The following DNAH8 variants were observed in gnomAD, a reference collection of about 807,000 sequenced individuals.
DNAH8 encodes dynein axonemal heavy chain 8, also known as axonemal beta dynein heavy chain 8.
In DNAH8, 382 loss-of-function variants were observed where a neutral mutation model predicts 562.1. That is an observed-to-expected ratio of 0.68 (90% CI 0.63 to 0.74). DNAH8 has a LOEUF of 0.74. Ranked by LOEUF, DNAH8 falls within the 30% of genes least tolerant of loss-of-function variation. DNAH8 has a pLI of 0.00. For synonymous variants in DNAH8, 1,881 were observed against 1,919.4 expected, an observed-to-expected ratio of 0.98 and a Z score of 0.52; for missense variants, 5,203 against 5,620.4, an observed-to-expected ratio of 0.93 and a Z score of 2.37.
chr6:38,807,788 T>A, intron 24 of DNAH8, 72 bp downstream of exon 24: 1 of 732,418 alleles, frequency 1.4e-6, no homozygotes, highest in South Asian at 5.2e-5. Flanking sequence ...TATAAATTTA[T>A]TAATTAAAAA....
At chr6:38,798,317 C>G (rs1317287371) in intron 21 of DNAH8, among the ~76,000 whole-genome samples, 2 of 152,182 alleles carry the variant, frequency 1.3e-5, no homozygotes, top group Admixed American at 6.5e-5. Context: ...TTAATTAAAA[C>G]AAAATTTAAA....
intron 9 of DNAH8, among the ~76,000 whole-genome samples, chr6:38,755,599 G>C (rs1765838978): frequency 6.6e-6 from 1 of 152,066 alleles, no homozygotes; most frequent in Non-Finnish European, 1.5e-5. Flanking sequence ...ACCCCTCAAG[G>C]TATCAGTTTC....
chr6:38,883,170 C>T, intron 54 of DNAH8, 118 bp downstream of exon 54: 1 of 1,331,900 alleles, frequency 7.5e-7, no homozygotes, highest in Non-Finnish European at 1.0e-6. Flanking sequence ...ATCTGTAATA[C>T]AACTGGGACT....
intron 17 of DNAH8, among the ~76,000 whole-genome samples, chr6:38,783,651 C>T (rs1165707432): frequency 2.6e-5 from 4 of 152,116 alleles, no homozygotes; most frequent in African/African-American, 9.7e-5. Flanking sequence ...GAGGGGAGGG[C>T]TTATGTGTTG....
Position 39,012,353 on chromosome 6 carries a change from A to G in DNAH8, c.13510A>G (p.Ile4504Val), listed in dbSNP as rs776524012. ...TCTAAAATTGGCCATTGAAGGAACA[A>G]TCATTATGAGTGAGGTGAGCTGTTA... ...SDLKLAIEGT[I>V]IMSENLRDAL... Residue 4504 changes from isoleucine (I) to valine (V), a missense_variant, in exon 90 of 93, where the codon ATC becomes GTC. Ile to Val is a conservative substitution (Grantham distance 29, BLOSUM62 3). Coordinates refer to ENST00000327475, the MANE Select transcript of DNAH8 (RefSeq NM_001206927.2). 1.2e-6 allele frequency: 2 copies of G among 1,612,442 alleles called. No homozygotes were observed. Among genetic ancestry groups the G allele is most frequent in the East Asian group, 2.2e-5 (1 of 44,858 alleles).
At chr6:38,761,585 T>A in intron 10 of DNAH8, 117 bp from the exon 11 acceptor site, 1 of 545,984 alleles carries the variant, frequency 1.8e-6, no homozygotes, top group Non-Finnish European at 2.9e-6. Flanking sequence ...CATGAGCCAC[T>A]GCACTTGGCC....
intron 8 of DNAH8, among the ~76,000 whole-genome samples, chr6:38,748,755 AAATAAT>A (rs57398991): frequency 6.5e-4 from 90 of 138,604 alleles, no homozygotes; most frequent in Middle Eastern, 3.7e-3. Context: ...CTCCGTCTCA[AAATAAT>A]AATAATAATA....
chr6:38,952,845 G>A (rs138126846), intron 82 of DNAH8, among the ~76,000 whole-genome samples: 99 of 152,254 alleles, frequency 6.5e-4, no homozygotes, highest in African/African-American at 2.3e-3. Context: ...AGTCTCATTC[G>A]CTATCTTCAA....
chr6:38,839,572 G>T (rs1346368579), intron 33 of DNAH8, among the ~76,000 whole-genome samples: 1 of 151,916 alleles, frequency 6.6e-6, no homozygotes, highest in Non-Finnish European at 1.5e-5. Context: ...TGCCCAGGCT[G>T]GTCTTGAACT....
In DNAH8 at chr6:38,832,395, T is replaced by G. The variant is rs1562937571; in HGVS notation, c.4262T>G (p.Phe1421Cys). Residue 1421 changes from phenylalanine to cysteine, a missense_variant, in exon 31 of 93, where the codon TTT becomes TGT. By Grantham distance (205) the Phe-to-Cys change is radical. This residue lies in a region of DNAH8 where 2,176 missense variants were observed against 2,365.1 expected (regional missense o/e 0.92). Transcript: ENST00000327475. ...KSNLLESVEV[F>C]REDVINFAEA... ...AATCTACTTGAGTCTGTGGAAGTTT[T>G]TCGTGAGGACGTGATAAACTTTGCA... is the stretch of plus-strand genomic sequence containing the variant. 6.2e-7 allele frequency: 1 copy of G among 1,613,594 alleles called. No individual in the cohort carries two copies.
intron 53 of DNAH8, among the ~76,000 whole-genome samples, chr6:38,882,223 A>T (rs1778552713): frequency 6.6e-6 from 1 of 152,206 alleles, no homozygotes; most frequent in Admixed American, 6.5e-5. Flanking sequence ...TTATACTCAA[A>T]GGAACGTATA....
chr6:38,911,319 C>T (rs1421771387), intron 65 of DNAH8, 149 bp from the exon 66 acceptor site: 3 of 680,080 alleles, frequency 4.4e-6, no homozygotes, highest in African/African-American at 3.6e-5. Context: ...GTCCTTTTTC[C>T]ACCTCACCTC....
At chr6:38,782,142 A>C (rs1373915774) in intron 16 of DNAH8, among the ~76,000 whole-genome samples, 1 of 151,668 alleles carries the variant, frequency 6.6e-6, no homozygotes, top group East Asian at 1.9e-4. Flanking sequence ...AAAAATTAAA[A>C]CCCTGAGTCC....
At chr6:38,890,614 T>A in intron 57 of DNAH8, 38 bp from the exon 58 acceptor site, 1 of 1,403,964 alleles carries the variant, frequency 7.1e-7, no homozygotes, top group South Asian at 1.2e-5. Context: ...TGGAAATCTT[T>A]TGGTAAGCTT....
chr6:38,845,734 A>T lies in DNAH8; in HGVS notation c.5006A>T (p.Glu1669Val). The change falls in exon 36 of 93, where the codon GAG becomes GTG. Residue 1669 changes from glutamate to valine, a missense_variant. Glu to Val is a moderately radical substitution (Grantham distance 121). This residue lies in a region of DNAH8 where 2,176 missense variants were observed against 2,365.1 expected (regional missense o/e 0.92). Transcript: ENST00000327475. ...TCGGGAGAAATTATCACTTTGATGG[A>T]GGATAGTTTAATGGTCTTAGGGTCT... Reference protein sequence around the residue: ...TESGEIITLMEDSLMVLGSLL... With the variant: ...TESGEIITLMVDSLMVLGSLL... 1 of 1,613,918 alleles carries T rather than the reference A, an allele frequency of 6.2e-7. No homozygotes were observed. The highest frequency in any genetic ancestry group is 1.1e-5 in the South Asian group (1 of 91,078).
chr6:38,825,166 C>T (rs1773205861), intron 28 of DNAH8, among the ~76,000 whole-genome samples: 1 of 152,028 alleles, frequency 6.6e-6, no homozygotes, highest in Admixed American at 6.6e-5. Flanking sequence ...GGAAAAGGGT[C>T]CCCTAGGGGA....
intron 26 of DNAH8, among the ~76,000 whole-genome samples, chr6:38,819,129 A>C (rs1213885056): frequency 6.6e-6 from 1 of 152,224 alleles, no homozygotes; most frequent in Non-Finnish European, 1.5e-5. Context: ...AAGCCAGACC[A>C]GTCCCAGAGA....
At chr6:38,844,085 C>G (rs1470937970) in intron 35 of DNAH8, among the ~76,000 whole-genome samples, 1 of 152,132 alleles carries the variant, frequency 6.6e-6, no homozygotes, top group Non-Finnish European at 1.5e-5. Context: ...GCCTAGATGG[C>G]AGCTAGAGGC....
At chr6:38,890,390 A>G (rs547864883) in intron 57 of DNAH8, among the ~76,000 whole-genome samples, 16 of 152,200 alleles carry the variant, frequency 1.1e-4, no homozygotes, top group Non-Finnish European at 2.2e-4. Flanking sequence ...AAATGGGACT[A>G]GTAATAATAA....
Sources: gnomAD v4.1 joint callset for allele counts (sites outside exome capture counted in the v4.1 genomes callset) on GRCh38, gnomAD v4.1.1 for gene constraint, gnomAD v4.1.1 regional missense constraint, MANE v1.5 for transcripts, NCBI Gene and HGNC (gene_info 2026-07-23, HGNC 2026-07-21) for gene names.